Variants in ARID1B observed in about 807,000 individuals in gnomAD.
ARID1B encodes AT-rich interactive domain-containing protein 1B.
ARID1B carries 30 observed loss-of-function variants against 212.3 expected under a neutral mutation model. The ratio of observed to expected loss-of-function variants is 0.14; its 90% CI spans 0.11 to 0.19. ARID1B has a LOEUF of 0.19. Ranked by LOEUF, ARID1B falls within the 10% of genes least tolerant of loss-of-function variation. The probability of loss-of-function intolerance (pLI) is 1.00; values close to 1 mark genes in which losing one functional copy is unlikely to be tolerated. For missense variants in ARID1B, 2,891 were observed against 3,204.0 expected, an observed-to-expected ratio of 0.90 and a Z score of 2.36; for synonymous variants, 1,402 against 1,301.7, an observed-to-expected ratio of 1.08 and a Z score of -1.66.
intron 1 of ARID1B, among the ~76,000 whole-genome samples, chr6:156,813,041 T>TACGTATGTATATACATATATATATAC (rs1562404433): frequency 4.9e-5 from 7 of 141,528 alleles, no homozygotes; most frequent in African/African-American, 1.3e-4. Context: ...CATATATATA[T>TACGTATGTATATACATATATATATAC]ACACATACGT....
At chr6:157,052,797 G>A (rs549635493) in intron 4 of ARID1B, among the ~76,000 whole-genome samples, 2 of 152,276 alleles carry the variant, frequency 1.3e-5, no homozygotes, top group Non-Finnish European at 2.9e-5. Flanking sequence ...TCGGCTCACT[G>A]CAACCTCTGA....
chr6:156,966,386 CTTTTTTT>C (rs1214987532), intron 4 of ARID1B, among the ~76,000 whole-genome samples: 16 of 38,918 alleles, frequency 4.1e-4, no homozygotes, highest in East Asian at 1.2e-3. Flanking sequence ...CTTTTCTTTT[CTTTTTTT>C]TTTTTTTTTT....
chr6:157,109,697 A>G lies in ARID1B; in HGVS notation c.2492-775A>G, dbSNP rs1472057996. Among the ~76,000 whole-genome samples the G allele has an allele frequency of 2.6e-5, 4 of 152,306 alleles. No homozygotes were observed. In the East Asian group the frequency reaches 7.7e-4, roughly 29 times the overall value. The stretch of plus-strand genomic sequence containing the variant: ...TCACATGACTCATTATCTCTCTTTT[A>G]TCAGTATAGTAAGAAGTATCTTCCT... On this transcript the variant is annotated intron_variant, in intron 5 of 19. Coordinates refer to ENST00000636930, the MANE Select transcript of ARID1B (RefSeq NM_001374828.1).
At chr6:156,897,264 C>CTTCTTCTTATTA (rs71027320) in intron 2 of ARID1B, among the ~76,000 whole-genome samples, 979 of 83,522 alleles carry the variant, frequency 0.012, 10 homozygotes, top group South Asian at 0.02. Flanking sequence ...TCTTCTTCTT[C>CTTCTTCTTATTA]TTATTATTAT....
chr6:156,836,390 T>C (rs1396378570), intron 2 of ARID1B, among the ~76,000 whole-genome samples: 1 of 152,072 alleles, frequency 6.6e-6, no homozygotes, highest in Non-Finnish European at 1.5e-5. Context: ...CGGGGGCAGC[T>C]CACACCTTCT....
chr6:157,191,160 AG>A (rs1370622260), intron 15 of ARID1B, among the ~76,000 whole-genome samples: 1 of 152,008 alleles, frequency 6.6e-6, no homozygotes, highest in Non-Finnish European at 1.5e-5. Context: ...TACTGGAAAG[AG>A]GTAAGAGTAG....
Position 157,206,563 on chromosome 6 carries a change from C to T in ARID1B, c.5791C>T (p.Arg1931Cys), listed in dbSNP as rs745372243. The change falls in exon 20 of 20, where the codon CGT becomes TGT. Residue 1931 changes from arginine (R) to cysteine (C), a missense_variant. Arg to Cys is a radical substitution (Grantham distance 180). Transcript: ENST00000636930. This position sits in a 1 kb window ranked among gnomAD's most constrained non-coding sequence, Gnocchi z 6.8. ...FVVDRSDKLG[R>C]VQEFNSGLLH... ...TGTTGACCGATCTGACAAGTTGGGG[C>T]GTGTGCAGGAGTTCAATAGTGGCCT... is the stretch of plus-strand genomic sequence containing the variant. The T allele has an allele frequency of 6.8e-6, 11 of 1,614,070 alleles. No individual in the cohort carries two copies. The South Asian group carries it at 7.7e-5, about 11-fold the overall frequency.
At position 157,090,154 on chromosome 6, in the gene ARID1B, A is replaced by T. The variant is rs561138034; in HGVS notation, c.2491+5249A>T. ...AAATGTAAATAAGCCAAACTTAAAAATTTTTTATTTTATTGGCCAGAGGCT... is the reference window on the plus strand; with the variant it reads ...AAATGTAAATAAGCCAAACTTAAAATTTTTTTATTTTATTGGCCAGAGGCT... On this transcript the variant is annotated intron_variant, in intron 5 of 19. Transcript: ENST00000636930. 5.7e-4 allele frequency among the ~76,000 whole-genome samples: 86 copies of T among 152,104 alleles called. 1 individual carries two copies. The highest frequency in any genetic ancestry group is 3.3e-4 in the Admixed American group (5 of 15,290).
At chr6:157,132,415 G>A (rs1486292095) in intron 6 of ARID1B, among the ~76,000 whole-genome samples, 1 of 152,232 alleles carries the variant, frequency 6.6e-6, no homozygotes, top group Admixed American at 6.5e-5. Context: ...AGAATACAGC[G>A]CAAGCCTGCA....
At chr6:157,080,333 T>C (rs1784563575) in intron 4 of ARID1B, among the ~76,000 whole-genome samples, 1 of 152,232 alleles carries the variant, frequency 6.6e-6, no homozygotes, top group South Asian at 2.1e-4. Flanking sequence ...AAGCCACCAG[T>C]ATTGACTGAA....
chr6:156,809,713 GA>G (rs370188789), intron 1 of ARID1B, among the ~76,000 whole-genome samples: 15,608 of 104,484 alleles, frequency 0.15, 844 homozygotes, highest in Middle Eastern at 0.22. Flanking sequence ...CTTTTTCAAA[GA>G]AAAAAAAAAA....
At chr6:157,049,244 A>G (rs1482009047) in intron 4 of ARID1B, among the ~76,000 whole-genome samples, 1 of 151,442 alleles carries the variant, frequency 6.6e-6, no homozygotes, top group Non-Finnish European at 1.5e-5. Context: ...CCACTCTGCC[A>G]TGGCCGATTC....
chr6:157,093,064 T>A (rs1171609692), intron 5 of ARID1B, among the ~76,000 whole-genome samples: 3 of 152,188 alleles, frequency 2.0e-5, no homozygotes, highest in Non-Finnish European at 2.9e-5. Flanking sequence ...CTGTTGGCAT[T>A]GACCCGCTGC....
chr6:156,788,464 C>A (rs1397557262), intron 1 of ARID1B, among the ~76,000 whole-genome samples: 1 of 152,192 alleles, frequency 6.6e-6, no homozygotes, highest in South Asian at 2.1e-4. Context: ...CTCTGGCCAA[C>A]AATCATTCCT....
intron 2 of ARID1B, chr6:156,871,587 C>G: frequency 6.2e-7 from 1 of 1,603,512 alleles, no homozygotes; most frequent in Non-Finnish European, 8.5e-7. Flanking sequence ...ACTGTTGCTC[C>G]TAATTACTGT....
intron 11 of ARID1B, among the ~76,000 whole-genome samples, chr6:157,178,442 C>T (rs1224171709): frequency 1.3e-5 from 2 of 152,140 alleles, no homozygotes; most frequent in African/African-American, 2.4e-5. Flanking sequence ...TGTGTGACGT[C>T]GTGCTGCAAA....
chr6:157,116,401 T>C (rs1336320764), intron 6 of ARID1B, among the ~76,000 whole-genome samples: 1 of 151,142 alleles, frequency 6.6e-6, no homozygotes, highest in African/African-American at 2.4e-5. Context: ...TAAACATTCA[T>C]GTTAATGCCG....
chr6:156,990,939 TAAC>T (rs1432319161), intron 4 of ARID1B, among the ~76,000 whole-genome samples: 1 of 152,244 alleles, frequency 6.6e-6, no homozygotes, highest in African/African-American at 2.4e-5. Context: ...ACTATAATAG[TAAC>T]AACAACTAAC....
intron 4 of ARID1B, among the ~76,000 whole-genome samples, chr6:156,950,355 T>C (rs1021428732): frequency 2.6e-5 from 4 of 152,258 alleles, no homozygotes; most frequent in Admixed American, 6.5e-5. Flanking sequence ...CACAGGTCTT[T>C]AGTGGAAGAC....
Sources: allele counts gnomAD v4.1 joint callset (sites outside exome capture counted in the v4.1 genomes callset), GRCh38; gene constraint gnomAD v4.1.1; non-coding constraint Gnocchi (gnomAD v3.1); transcripts MANE v1.5; gene names NCBI Gene and HGNC (gene_info 2026-07-23, HGNC 2026-07-21).